Variants in IFIT3 observed in about 807,000 individuals in gnomAD.
The protein encoded by IFIT3 is interferon induced protein with tetratricopeptide repeats 3, also known as interferon-induced protein with tetratricopeptide repeats 3.
Under a neutral mutation model 2.4 loss-of-function variants are expected in IFIT3, and 2 were observed. The observed-to-expected ratio is 0.82, with a 90% CI of 0.34 to 2.60. The LOEUF (loss-of-function observed/expected upper bound fraction) is 2.60, where lower values mean the gene tolerates loss of function less well. Ranked by LOEUF, IFIT3 falls within the 30% of genes most tolerant of loss-of-function variation. The pLI is 0.11. For synonymous variants in IFIT3, 203 were observed against 212.1 expected, an observed-to-expected ratio of 0.96 and a Z score of 0.37; for missense variants, 481 against 562.4, an observed-to-expected ratio of 0.86 and a Z score of 1.46.
rs754922045 is a variant in IFIT3 at position 89,339,847 on chromosome 10, A to G, written c.1192A>G (p.Ile398Val). ...CAAAAAATCAACTGACAAGGAAGAG[A>G]TCAAAGACCAACCACAGAATGTATC... ...ISKKSTDKEE[I>V]KDQPQNVSEN... is the part of the protein sequence containing the mutation. Residue 398 changes from isoleucine to valine, a missense_variant, in exon 2 of 2, where the codon ATC (isoleucine) becomes GTC (valine). Ile to Val is a conservative substitution (Grantham distance 29). Transcript: ENST00000371818. The G allele has an allele frequency of 1.5e-5, 24 of 1,614,096 alleles. No homozygotes were observed. The South Asian group carries it at 2.6e-4, about 18-fold the overall frequency.
At chr10:89,330,755 A>AT (rs11408031) in intron 1 of IFIT3, among the ~76,000 whole-genome samples, 95,393 of 152,134 alleles carry the variant, frequency 0.63, 32,547 homozygotes, top group East Asian at 0.93. Flanking sequence ...TTCACTCAAG[A>AT]TGCCTGATAA....
At chr10:89,328,265 G>C (rs1052501701) in intron 1 of IFIT3, among the ~76,000 whole-genome samples, 187 bp downstream of exon 1, 2 of 152,146 alleles carry the variant, frequency 1.3e-5, no homozygotes, top group South Asian at 2.1e-4. Context: ...GTACACACAG[G>C]CTTCTTAAGT....
chr10:89,332,540 T>TTGGAA, intron 1 of IFIT3: 1 of 1,613,370 alleles, frequency 6.2e-7, no homozygotes, highest in East Asian at 2.2e-5. Context: ...TGGAAACCTC[T>TTGGAA]TCAGCATTTG....
Position 89,339,758 on chromosome 10 carries a change from A to T in IFIT3, c.1103A>T (p.Gln368Leu). The change falls in exon 2 of 2, where the codon CAG becomes CTG. Residue 368 changes from glutamine (Q) to leucine (L), a missense_variant. Transcript: ENST00000371818. Reference sequence around the variant, plus strand: ...TCCCATCAGCGCTACTGCAACCTTCAGAAATATAATGGGAAGTCTGAAGAC... The same window carrying T: ...TCCCATCAGCGCTACTGCAACCTTCTGAAATATAATGGGAAGTCTGAAGAC... ...QQSHQRYCNL[Q>L]KYNGKSEDTA... The T allele has an allele frequency of 6.2e-7, 1 of 1,614,228 alleles. No homozygotes were observed. The highest frequency in any genetic ancestry group is 1.1e-5 in the South Asian group (1 of 91,092).
Position 89,338,731 on chromosome 10 carries a change from A to C in IFIT3, c.76A>C (p.Lys26Gln). ...LKCHFTWNLF[K>Q]EDSVSRDLED... The stretch of plus-strand genomic sequence containing the variant: ...ATGCCATTTCACCTGGAACTTATTC[A>C]AGGAAGACAGTGTCTCAAGGGATCT... The change falls in exon 2 of 2, where the codon AAG (lysine) becomes CAG (glutamine). Residue 26 changes from lysine to glutamine, a missense_variant. Physicochemically the swap from Lys to Gln is moderately conservative, Grantham distance 53. Coordinates refer to ENST00000371818, the MANE Select transcript of IFIT3 (RefSeq NM_001549.6). 6.2e-7 allele frequency: 1 copy of C among 1,613,832 alleles called. No homozygotes were observed. Among genetic ancestry groups the C allele is most frequent in the Non-Finnish European group, 8.5e-7 (1 of 1,179,718 alleles).
At chr10:89,329,512 C>T (rs1226269663) in intron 1 of IFIT3, among the ~76,000 whole-genome samples, 5 of 152,174 alleles carry the variant, frequency 3.3e-5, no homozygotes, top group Non-Finnish European at 5.9e-5. Flanking sequence ...TCAAGGTGCT[C>T]CTATTTCCAG....
In IFIT3 at chr10:89,339,169, T is replaced by C; in HGVS notation, c.514T>C (p.Phe172Leu). ...ALEEKPNNPEFSSGLAIAMYH... is the reference protein window; with the variant it reads ...ALEEKPNNPELSSGLAIAMYH... ...GGAAGAAAAGCCCAACAACCCAGAATTCTCCTCTGGACTGGCAATTGCGAT... is the reference window on the plus strand; with the variant it reads ...GGAAGAAAAGCCCAACAACCCAGAACTCTCCTCTGGACTGGCAATTGCGAT... Residue 172 changes from phenylalanine (F) to leucine (L), a missense_variant, in exon 2 of 2, where the codon TTC (phenylalanine) becomes CTC (leucine). Transcript: ENST00000371818. 6.2e-7 allele frequency: 1 copy of C among 1,614,160 alleles called. No individual in the cohort carries two copies. The highest frequency in any genetic ancestry group is 8.5e-7 in the Non-Finnish European group (1 of 1,180,020).
At chr10:89,331,109 T>C (rs892849411) in intron 1 of IFIT3, among the ~76,000 whole-genome samples, 1 of 152,222 alleles carries the variant, frequency 6.6e-6, no homozygotes, top group Admixed American at 6.5e-5. Flanking sequence ...GAGGACTGTT[T>C]ACATAGGCAA....
At chr10:89,329,062 T>C (rs1227904205) in intron 1 of IFIT3, among the ~76,000 whole-genome samples, 1 of 152,148 alleles carries the variant, frequency 6.6e-6, no homozygotes, top group African/African-American at 2.4e-5. Context: ...CTTCAGGGGA[T>C]AGCATGTTAG....
chr10:89,339,768 T>C lies in IFIT3; in HGVS notation c.1113T>C (p.Asn371=), dbSNP rs746174061. The change falls in exon 2 of 2, where the codon AAT becomes AAC. Residue 371 remains asparagine (N), a synonymous_variant. Coordinates refer to ENST00000371818, the MANE Select transcript of IFIT3 (RefSeq NM_001549.6). ...HQRYCNLQKY[N]GKSEDTAVQH... ...GCTACTGCAACCTTCAGAAATATAA[T>C]GGGAAGTCTGAAGACACTGCTGTGC... The C allele has an allele frequency of 5.0e-6, 8 of 1,613,998 alleles. No individual in the cohort carries two copies. The highest frequency in any genetic ancestry group is 2.7e-5 in the African/African-American group (2 of 74,906).
chr10:89,336,172 G>GGGAA (rs1180450072), intron 1 of IFIT3, among the ~76,000 whole-genome samples: 2 of 150,112 alleles, frequency 1.3e-5, no homozygotes, highest in Non-Finnish European at 3.0e-5. Context: ...GAGGGAGGGA[G>GGGAA]GGAAGGAAGG....
chr10:89,337,728 T>A (rs1157947736), intron 1 of IFIT3, among the ~76,000 whole-genome samples: 1 of 152,186 alleles, frequency 6.6e-6, no homozygotes, highest in African/African-American at 2.4e-5. Flanking sequence ...GTGAGAGAGA[T>A]CTCATTTCCT....
chr10:89,340,186 C>G lies in IFIT3; in HGVS notation c.*58C>G, dbSNP rs10749607. 0.52 allele frequency: 787,662 copies of G among 1,507,696 alleles called. 215,974 individuals carry two copies. The highest frequency in any genetic ancestry group is 0.92 in the East Asian group (40,164 of 43,810). 93.4% of individuals were successfully genotyped at this position (1,507,696 alleles called of 1,614,324 possible). A position where few individuals can be genotyped will look rare whatever the true frequency, so the allele number is the denominator to read the frequency against. On this transcript the variant is annotated 3_prime_UTR_variant, in exon 2 of 2. Transcript: ENST00000371818. ...GCAGTGGTGGTTGTGACGGGTAGGACGATAGGAAGACAGGGGGCCCCAACC... is the reference window on the plus strand; with the variant it reads ...GCAGTGGTGGTTGTGACGGGTAGGAGGATAGGAAGACAGGGGGCCCCAACC...
chr10:89,332,475 C>T, intron 1 of IFIT3: 1 of 1,524,348 alleles, frequency 6.6e-7, no homozygotes, highest in Non-Finnish European at 8.8e-7. Flanking sequence ...AGGGTTCCAT[C>T]AGTTTCACTT....
intron 1 of IFIT3, among the ~76,000 whole-genome samples, chr10:89,335,935 G>A (rs1414377404): frequency 6.6e-6 from 1 of 152,106 alleles, no homozygotes; most frequent in Non-Finnish European, 1.5e-5. Context: ...CTTTTGACTT[G>A]TAGTCCTTCA....
At chr10:89,335,185 A>G (rs539515026) in intron 1 of IFIT3, among the ~76,000 whole-genome samples, 1 of 152,252 alleles carries the variant, frequency 6.6e-6, no homozygotes, top group African/African-American at 2.4e-5. Flanking sequence ...AAGGGACCCA[A>G]TTTTCAGTGG....
chr10:89,339,716 A>G lies in IFIT3; in HGVS notation c.1061A>G (p.Asp354Gly). ...YQTPFNKEVP[D>G]AEKQQSHQRY... The stretch of plus-strand genomic sequence containing the variant: ...ACACCATTCAATAAGGAAGTCCCTG[A>G]TGCTGAAAAGCAACAATCCCATCAG... The change falls in exon 2 of 2, where the codon GAT becomes GGT. Residue 354 changes from aspartate (D) to glycine (G), a missense_variant. Transcript: ENST00000371818. The G allele has an allele frequency of 1.2e-6, 2 of 1,614,210 alleles. No homozygotes were observed. Among genetic ancestry groups the G allele is most frequent in the South Asian group, 1.1e-5 (1 of 91,090 alleles).
At position 89,339,745 on chromosome 10, in the gene IFIT3, T is replaced by G. The variant is rs536908646; in HGVS notation, c.1090T>G (p.Tyr364Asp). Reference protein sequence around the residue: ...DAEKQQSHQRYCNLQKYNGKS... With the variant: ...DAEKQQSHQRDCNLQKYNGKS... ...TGAAAAGCAACAATCCCATCAGCGC[T>G]ACTGCAACCTTCAGAAATATAATGG... The change falls in exon 2 of 2, where the codon TAC becomes GAC. Residue 364 changes from tyrosine to aspartate, a missense_variant. Transcript: ENST00000371818. 4 of 1,614,224 alleles carry G rather than the reference T, an allele frequency of 2.5e-6. No individual in the cohort carries two copies. In the South Asian group the frequency reaches 4.4e-5, roughly 18 times the overall value.
intron 1 of IFIT3, among the ~76,000 whole-genome samples, chr10:89,336,536 G>A (rs1843743404): frequency 6.6e-6 from 1 of 152,244 alleles, no homozygotes; most frequent in South Asian, 2.1e-4. Flanking sequence ...CAGTAGCGGT[G>A]TGAGGGCCAG....
Sources: gnomAD v4.1 joint callset for allele counts (sites outside exome capture counted in the v4.1 genomes callset) on GRCh38, gnomAD v4.1.1 for gene constraint, MANE v1.5 for transcripts, NCBI Gene and HGNC (gene_info 2026-07-23, HGNC 2026-07-21) for gene names.